Variants in SLC2A13 observed in about 807,000 individuals in gnomAD.
SLC2A13 encodes solute carrier family 2 member 13, also known as proton myo-inositol cotransporter.
A neutral mutation model predicts 64.4 loss-of-function variants in SLC2A13; 32 were observed. That is an observed-to-expected ratio of 0.50 (90% CI 0.37 to 0.67). The LOEUF (loss-of-function observed/expected upper bound fraction) is 0.67. Among genes scored for constraint, SLC2A13 ranks in the 30% least tolerant of loss-of-function variants. SLC2A13 has a pLI of 0.00. For missense variants in SLC2A13, 743 were observed against 829.2 expected (o/e 0.90, Z 1.28); for synonymous variants, 338 against 327.1 (o/e 1.03, Z -0.36).
intron 3 of SLC2A13, among the ~76,000 whole-genome samples, chr12:40,016,637 C>A (rs144794225): frequency 4.6e-5 from 7 of 152,094 alleles, no homozygotes; most frequent in African/African-American, 1.7e-4. Flanking sequence ...AGTGTACATA[C>A]CTATAATAAG....
intron 7 of SLC2A13, among the ~76,000 whole-genome samples, chr12:39,817,694 A>G (rs75857374): frequency 0.043 from 6,537 of 152,286 alleles, 206 homozygotes; most frequent in Middle Eastern, 0.11. Flanking sequence ...GTTTTTACAT[A>G]CTTTATATAT....
At chr12:39,929,543 T>C (rs926346138) in intron 4 of SLC2A13, among the ~76,000 whole-genome samples, 3 of 144,642 alleles carry the variant, frequency 2.1e-5, no homozygotes, top group African/African-American at 5.1e-5. Context: ...AGAGTGAGAG[T>C]CCATCTCAAA....
At chr12:39,910,449 A>T (rs1208495795) in intron 4 of SLC2A13, among the ~76,000 whole-genome samples, 1 of 152,092 alleles carries the variant, frequency 6.6e-6, no homozygotes, top group Non-Finnish European at 1.5e-5. Context: ...TGAAGCTTTG[A>T]TAAGTCTAAG....
intron 3 of SLC2A13, among the ~76,000 whole-genome samples, chr12:40,024,867 G>C (rs1947778638): frequency 6.6e-6 from 1 of 152,092 alleles, no homozygotes; most frequent in African/African-American, 2.4e-5. Flanking sequence ...AACCTAAAAA[G>C]AAACTGAGGC....
intron 4 of SLC2A13, among the ~76,000 whole-genome samples, chr12:39,928,483 C>A (rs1003631545): frequency 6.6e-6 from 1 of 152,150 alleles, no homozygotes; most frequent in African/African-American, 2.4e-5. Flanking sequence ...AGATGCTCTA[C>A]TGCACAGAGT....
In SLC2A13 at chr12:39,918,762, C is replaced by T. The variant is rs900589515; in HGVS notation, c.1034+32495G>A. ...ATACAAAATTAGCTGGGCGTGGTGG[C>T]GCACGCCTATAGTTCCAGCTACTTG... On this transcript the variant is annotated intron_variant, in intron 4 of 9. Coordinates refer to ENST00000280871, the MANE Select transcript of SLC2A13 (RefSeq NM_052885.4). 6.6e-5 allele frequency among the ~76,000 whole-genome samples: 10 copies of T among 151,020 alleles called. 1 individual carries two copies. Among genetic ancestry groups the T allele is most frequent in the African/African-American group, 1.5e-4 (6 of 40,960 alleles).
At chr12:39,919,772 A>G (rs957133443) in intron 4 of SLC2A13, among the ~76,000 whole-genome samples, 10 of 152,130 alleles carry the variant, frequency 6.6e-5, no homozygotes, top group Non-Finnish European at 1.3e-4. Flanking sequence ...AAAGAAGGTT[A>G]TCATTGTTTT....
At chr12:40,012,811 A>C (rs1376941423) in intron 3 of SLC2A13, among the ~76,000 whole-genome samples, 2 of 152,232 alleles carry the variant, frequency 1.3e-5, no homozygotes, top group Non-Finnish European at 2.9e-5. Context: ...AAATGTCTGG[A>C]ATCCAATTTT....
At chr12:39,957,356 T>A (rs1565561291) in intron 3 of SLC2A13, among the ~76,000 whole-genome samples, 1 of 152,180 alleles carries the variant, frequency 6.6e-6, no homozygotes, top group Non-Finnish European at 1.5e-5. Context: ...TTATTTTTCT[T>A]AGCATAAAAA....
intron 1 of SLC2A13, among the ~76,000 whole-genome samples, chr12:40,092,444 T>C (rs1377046368): frequency 6.6e-6 from 1 of 152,164 alleles, no homozygotes; most frequent in African/African-American, 2.4e-5. Flanking sequence ...TTTAAAAGGA[T>C]CAGATCAACC....
At chr12:39,841,018 T>C (rs1943164778) in intron 6 of SLC2A13, among the ~76,000 whole-genome samples, 1 of 152,134 alleles carries the variant, frequency 6.6e-6, no homozygotes, top group South Asian at 2.1e-4. Flanking sequence ...AATTGTTCCT[T>C]ACAATTCACG....
At chr12:39,980,974 C>T (rs1198592875) in intron 3 of SLC2A13, among the ~76,000 whole-genome samples, 1 of 151,782 alleles carries the variant, frequency 6.6e-6, no homozygotes, top group Non-Finnish European at 1.5e-5. Context: ...AACAAACTAT[C>T]TCTCAGACCA....
At chr12:40,039,671 C>T (rs1023359281) in intron 2 of SLC2A13, among the ~76,000 whole-genome samples, 10 of 152,208 alleles carry the variant, frequency 6.6e-5, no homozygotes, top group African/African-American at 2.4e-4. Flanking sequence ...GCCTCCAACT[C>T]TTTTGCTATT....
intron 1 of SLC2A13, among the ~76,000 whole-genome samples, chr12:40,077,054 A>C (rs893016409): frequency 1.3e-5 from 2 of 151,718 alleles, no homozygotes; most frequent in Non-Finnish European, 2.9e-5. Flanking sequence ...TGGATATTAG[A>C]CCTTTGTTGG....
At chr12:40,079,820 GTTTA>G (rs1310390249) in intron 1 of SLC2A13, among the ~76,000 whole-genome samples, 1 of 152,188 alleles carries the variant, frequency 6.6e-6, no homozygotes, top group Non-Finnish European at 1.5e-5. Flanking sequence ...AGTTAAGACT[GTTTA>G]TTTAGTTGAA....
intron 3 of SLC2A13, among the ~76,000 whole-genome samples, chr12:39,986,221 G>A (rs899133859): frequency 6.6e-6 from 1 of 152,056 alleles, no homozygotes; most frequent in Non-Finnish European, 1.5e-5. Context: ...GGGAGATGGG[G>A]CCTAACCTTG....
At chr12:40,016,046 C>T (rs1162141122) in intron 3 of SLC2A13, among the ~76,000 whole-genome samples, 1 of 152,156 alleles carries the variant, frequency 6.6e-6, no homozygotes, top group Non-Finnish European at 1.5e-5. Context: ...CATGATTGCT[C>T]TTCAAACTTT....
At chr12:39,896,260 ATGTG>A (rs773197114) in intron 4 of SLC2A13, among the ~76,000 whole-genome samples, 1 of 94,806 alleles carries the variant, frequency 1.1e-5, no homozygotes, top group South Asian at 3.1e-4. Context: ...ATGTATGTAT[ATGTG>A]TGTATATATG....
intron 1 of SLC2A13, among the ~76,000 whole-genome samples, chr12:40,066,521 A>G (rs17458257): frequency 6.6e-6 from 1 of 152,228 alleles, no homozygotes; most frequent in African/African-American, 2.4e-5. Flanking sequence ...ATAAATAAGC[A>G]ATAATAATCC....
Sources: allele counts gnomAD v4.1 joint callset (sites outside exome capture counted in the v4.1 genomes callset), GRCh38; gene constraint gnomAD v4.1.1; transcripts MANE v1.5; gene names NCBI Gene and HGNC (gene_info 2026-07-23, HGNC 2026-07-21).